Variants in TMEM132D observed in about 807,000 individuals in gnomAD.
TMEM132D encodes the protein mature OL transmembrane protein.
Under a neutral mutation model 62.3 loss-of-function variants are expected in TMEM132D, and 21 were observed. The ratio of observed to expected loss-of-function variants is 0.34; its 90% CI spans 0.24 to 0.49. The LOEUF (loss-of-function observed/expected upper bound fraction) is 0.49. Ranked by LOEUF, TMEM132D falls within the 20% of genes least tolerant of loss-of-function variation. The pLI is 0.99. For missense variants in TMEM132D, 1,346 were observed against 1,402.8 expected, an observed-to-expected ratio of 0.96 and a Z score of 0.65; for synonymous variants, 621 against 575.6, an observed-to-expected ratio of 1.08 and a Z score of -1.13.
chr12:129,859,902 C>T (rs1873837905), intron 1 of TMEM132D, among the ~76,000 whole-genome samples: 2 of 152,194 alleles, frequency 1.3e-5, no homozygotes, highest in African/African-American at 4.8e-5. Flanking sequence ...AGCTTGCAGA[C>T]AGTCTATCAT....
At chr12:129,576,603 T>TACAC (rs140376991) in intron 2 of TMEM132D, among the ~76,000 whole-genome samples, 59,175 of 149,828 alleles carry the variant, frequency 0.39, 13,454 homozygotes, top group East Asian at 0.54. Flanking sequence ...ATACATATTA[T>TACAC]ACACACACAC....
intron 3 of TMEM132D, among the ~76,000 whole-genome samples, chr12:129,525,086 CAGCT>C (rs1319048578): frequency 6.7e-6 from 1 of 149,962 alleles, no homozygotes; most frequent in Non-Finnish European, 1.5e-5. Context: ...CCACCACACT[CAGCT>C]AATTTATTTG....
At chr12:129,502,492 T>C (rs769153387) in intron 3 of TMEM132D, among the ~76,000 whole-genome samples, 5 of 152,098 alleles carry the variant, frequency 3.3e-5, no homozygotes, top group South Asian at 2.1e-4. Context: ...TATTGACTCA[T>C]GTACATGAAA....
intron 1 of TMEM132D, among the ~76,000 whole-genome samples, chr12:129,768,867 C>T (rs1870640218): frequency 6.6e-6 from 1 of 152,196 alleles, no homozygotes; most frequent in African/African-American, 2.4e-5. Context: ...ACAGATATAT[C>T]GTGGATTTTC....
intron 3 of TMEM132D, among the ~76,000 whole-genome samples, chr12:129,439,078 C>G (rs572598918): frequency 6.6e-6 from 1 of 152,288 alleles, no homozygotes; most frequent in South Asian, 2.1e-4. Context: ...TGTACACTTT[C>G]CTTGCAAGAC....
At chr12:129,793,068 T>A (rs68133573) in intron 1 of TMEM132D, among the ~76,000 whole-genome samples, 15,773 of 148,022 alleles carry the variant, frequency 0.11, 1,086 homozygotes, top group East Asian at 0.23. Flanking sequence ...TTAATGCTTT[T>A]TATTCTTTTT....
intron 4 of TMEM132D, among the ~76,000 whole-genome samples, chr12:129,233,291 T>TTGAG (rs1879693006): frequency 1.3e-5 from 2 of 152,338 alleles, no homozygotes; most frequent in East Asian, 3.9e-4. Flanking sequence ...GCAACAGTTC[T>TTGAG]TGAGTGAATG....
At chr12:129,545,422 TTTTTC>T (rs1232100527) in intron 2 of TMEM132D, among the ~76,000 whole-genome samples, 4 of 152,122 alleles carry the variant, frequency 2.6e-5, no homozygotes, top group Admixed American at 2.0e-4. Flanking sequence ...TTATTTTTAC[TTTTTC>T]TTTTATTATA....
chr12:129,141,833 G>A (rs897689947), intron 5 of TMEM132D, among the ~76,000 whole-genome samples: 1 of 151,780 alleles, frequency 6.6e-6, no homozygotes, highest in African/African-American at 2.4e-5. Context: ...CAGTACCTGG[G>A]TGATGGGATC....
chr12:129,165,768 T>A (rs896388136), intron 5 of TMEM132D, among the ~76,000 whole-genome samples: 7 of 152,170 alleles, frequency 4.6e-5, no homozygotes, highest in African/African-American at 1.4e-4. Flanking sequence ...AAGTGTGTCA[T>A]CCCACAGAGC....
intron 8 of TMEM132D, among the ~76,000 whole-genome samples, chr12:129,077,775 T>C (rs1874319803): frequency 6.6e-6 from 1 of 151,492 alleles, no homozygotes; most frequent in African/African-American, 2.4e-5. Context: ...ACAACACACA[T>C]ATATACATGC....
intron 3 of TMEM132D, among the ~76,000 whole-genome samples, chr12:129,493,140 T>A (rs927784947): frequency 6.6e-6 from 1 of 152,182 alleles, no homozygotes; most frequent in South Asian, 2.1e-4. Context: ...ATTCTCTCTC[T>A]CTTTAACTTC....
intron 2 of TMEM132D, among the ~76,000 whole-genome samples, chr12:129,569,565 T>G (rs1386446029): frequency 6.6e-6 from 1 of 152,130 alleles, no homozygotes; most frequent in African/African-American, 2.4e-5. Flanking sequence ...ATTAAGACAT[T>G]TTAGGATTCA....
Position 129,634,059 on chromosome 12 carries a change from C to T in TMEM132D, c.968+65751G>A, listed in dbSNP as rs577347746. ...GCTCTCAGAACCCAGCATATTAATT[C>T]TTTCCCACTCCAAACACCCGCATCC... On this transcript the variant is annotated intron_variant, in intron 2 of 8. Transcript: ENST00000422113. 3.9e-5 allele frequency among the ~76,000 whole-genome samples: 6 copies of T among 152,306 alleles called. No homozygotes were observed. The South Asian group carries it at 1.2e-3, about 32-fold the overall frequency.
intron 2 of TMEM132D, among the ~76,000 whole-genome samples, chr12:129,550,312 G>A (rs1381799849): frequency 2.0e-5 from 3 of 152,130 alleles, no homozygotes; most frequent in African/African-American, 7.2e-5. Context: ...AACTAAAGAT[G>A]AGGATTAATT....
chr12:129,150,264 A>G (rs1468059389), intron 5 of TMEM132D, among the ~76,000 whole-genome samples: 1 of 152,046 alleles, frequency 6.6e-6, no homozygotes, highest in Non-Finnish European at 1.5e-5. Context: ...AGGAGAAGTC[A>G]CTCCAGCTTC....
At chr12:129,411,917 T>C (rs755288142) in intron 3 of TMEM132D, among the ~76,000 whole-genome samples, 1 of 152,238 alleles carries the variant, frequency 6.6e-6, no homozygotes, top group Non-Finnish European at 1.5e-5. Context: ...ATATGGTACC[T>C]TGGCCGGGTA....
chr12:129,632,782 G>A (rs937696059), intron 2 of TMEM132D, among the ~76,000 whole-genome samples: 15 of 152,206 alleles, frequency 9.9e-5, no homozygotes, highest in Admixed American at 9.8e-4. Context: ...CCTGTCTCCT[G>A]CAGTATGGAC....
intron 2 of TMEM132D, among the ~76,000 whole-genome samples, chr12:129,624,484 A>T (rs1447253817): frequency 1.3e-5 from 2 of 152,228 alleles, no homozygotes; most frequent in Non-Finnish European, 2.9e-5. Context: ...TGTGGGACCC[A>T]GAGGAGCTTG....
Sources: gnomAD v4.1 joint callset for allele counts (sites outside exome capture counted in the v4.1 genomes callset) on GRCh38, gnomAD v4.1.1 for gene constraint, MANE v1.5 for transcripts, NCBI Gene and HGNC (gene_info 2026-07-23, HGNC 2026-07-21) for gene names.